Variants in ZNF365 observed in about 807,000 individuals in gnomAD.
ZNF365 encodes protein ZNF365.
Under a neutral mutation model 35.0 loss-of-function variants are expected in ZNF365, and 22 were observed. The ratio of observed to expected loss-of-function variants is 0.63; its 90% confidence interval spans 0.45 to 0.90. ZNF365 has a LOEUF of 0.90. Among genes scored for constraint, ZNF365 ranks in the 40% least tolerant of loss-of-function variants. The probability of loss-of-function intolerance (pLI) is 0.00; values close to 1 mark genes in which losing one functional copy is unlikely to be tolerated. For missense variants in ZNF365, 448 were observed against 500.3 expected (o/e 0.90, Z 1.00); for synonymous variants, 188 against 196.2 (o/e 0.96, Z 0.35).
In ZNF365 at chr10:62,397,275, T is replaced by A. The variant is rs1224823263; in HGVS notation, c.925-1465T>A. Among the ~76,000 whole-genome samples, 15 of 914 alleles carry A rather than the reference T, an allele frequency of 0.016. No homozygotes were observed. In the Admixed American group the frequency reaches 0.25, roughly 15 times the overall value. 0.6% of individuals were successfully genotyped at this position (914 alleles called of 152,430 possible). On this transcript the variant is annotated intron_variant, in intron 3 of 4. Transcript: ENST00000395254. ...TGTCTCCTCATGACCTGAGCCTCCTTTTTTTTTTTTAAGGAACTTCCTTTG... is the reference window on the plus strand; with the variant it reads ...TGTCTCCTCATGACCTGAGCCTCCTATTTTTTTTTTAAGGAACTTCCTTTG...
intron 2 of ZNF365, among the ~76,000 whole-genome samples, chr10:62,385,283 A>G (rs1839507760): frequency 6.6e-6 from 1 of 152,202 alleles, no homozygotes; most frequent in African/African-American, 2.4e-5. Context: ...AGGGCACAAG[A>G]TAATTGGTTG....
intron 3 of ZNF365, among the ~76,000 whole-genome samples, chr10:62,407,763 T>C (rs527814473): frequency 6.6e-6 from 1 of 152,356 alleles, no homozygotes; most frequent in East Asian, 1.9e-4. Context: ...CCTGCATCTA[T>C]GGTAAGATAG....
intron 3 of ZNF365, among the ~76,000 whole-genome samples, chr10:62,393,645 C>T (rs1293431272): frequency 6.6e-6 from 1 of 152,192 alleles, no homozygotes; most frequent in African/African-American, 2.4e-5. Context: ...CAAAAATGTA[C>T]ACATCCATAT....
chr10:62,438,933 T>C (rs1840450693), intron 3 of ZNF365, among the ~76,000 whole-genome samples: 1 of 152,190 alleles, frequency 6.6e-6, no homozygotes, highest in South Asian at 2.1e-4. Context: ...CCTCACTAAC[T>C]TGCAAGCATT....
At chr10:62,418,435 A>T (rs1190866742) in intron 3 of ZNF365, among the ~76,000 whole-genome samples, 1 of 151,976 alleles carries the variant, frequency 6.6e-6, no homozygotes, top group Non-Finnish European at 1.5e-5. Flanking sequence ...GGTGCCACAT[A>T]ATCTATCTTT....
At chr10:62,427,806 G>T (rs1410726784) in intron 3 of ZNF365, among the ~76,000 whole-genome samples, 1 of 152,144 alleles carries the variant, frequency 6.6e-6, no homozygotes, top group African/African-American at 2.4e-5. Context: ...GCTAGAAGGC[G>T]ACTCCTGCAC....
chr10:62,378,768 G>A (rs185076084), intron 2 of ZNF365, among the ~76,000 whole-genome samples: 2 of 152,076 alleles, frequency 1.3e-5, no homozygotes, highest in African/African-American at 2.4e-5. Flanking sequence ...CCAATTGCAC[G>A]CTGAATTGTT....
At chr10:62,379,201 T>A (rs1839389418) in intron 2 of ZNF365, among the ~76,000 whole-genome samples, 1 of 152,044 alleles carries the variant, frequency 6.6e-6, no homozygotes. Context: ...TTTTTGTATT[T>A]TTAGTAGAGA....
At chr10:62,390,039 C>T (rs1464604178) in intron 3 of ZNF365, among the ~76,000 whole-genome samples, 2 of 152,122 alleles carry the variant, frequency 1.3e-5, no homozygotes, top group East Asian at 3.9e-4. Context: ...CTGCCGTCTT[C>T]TTTCATCCTG....
chr10:62,426,601 C>T (rs537430281), intron 3 of ZNF365, among the ~76,000 whole-genome samples: 1 of 152,210 alleles, frequency 6.6e-6, no homozygotes, highest in African/African-American at 2.4e-5. Flanking sequence ...ACACCAGGTT[C>T]TGGTCAAGAG....
rs1239835894 is a variant in ZNF365 at position 62,388,788 on chromosome 10, G to A, written c.924+212G>A. 7.9e-5 allele frequency among the ~76,000 whole-genome samples: 12 copies of A among 152,110 alleles called. No homozygotes were observed. The South Asian group carries it at 1.2e-3, about 16-fold the overall frequency. On this transcript the variant is annotated intron_variant, in intron 3 of 4. Transcript: ENST00000395254. ...AATGCTGCATGTGCCGTTTTCAGTC[G>A]CTCTTCACCCTCCCACTCCACATCA...
intron 3 of ZNF365, among the ~76,000 whole-genome samples, chr10:62,422,528 A>AGACC (rs1421495497): frequency 6.6e-6 from 1 of 152,204 alleles, no homozygotes; most frequent in Non-Finnish European, 1.5e-5. Flanking sequence ...ATGACCAAGC[A>AGACC]GACCCAATGA....
chr10:62,383,414 A>C (rs1028679487), intron 2 of ZNF365, among the ~76,000 whole-genome samples: 1 of 152,230 alleles, frequency 6.6e-6, no homozygotes. Context: ...AGGTTAGAGG[A>C]ATAGTTAATT....
intron 2 of ZNF365, among the ~76,000 whole-genome samples, chr10:62,377,865 G>A (rs975014501): frequency 2.0e-5 from 3 of 152,182 alleles, no homozygotes; most frequent in African/African-American, 7.2e-5. Flanking sequence ...AATAATTTGA[G>A]TTCTATTATA....
Position 62,399,688 on chromosome 10 carries a change from A to G in ZNF365, c.1123A>G (p.Arg375Gly). ...EQAESSRDLC[R>G]PPKKGELLGF... ...GGCTGAGTCCTCAAGAGACCTCTGC[A>G]GACCTCCAAAGAAAGGGGAGCTCCT... Residue 375 changes from arginine to glycine, a missense_variant, in exon 5 of 5, where the codon AGA (arginine) becomes GGA (glycine). By Grantham distance (125) the Arg-to-Gly change is moderately radical. Transcript: ENST00000395254. 2 of 1,614,198 alleles carry G rather than the reference A, an allele frequency of 1.2e-6. No individual in the cohort carries two copies. Among genetic ancestry groups the G allele is most frequent in the Non-Finnish European group, 8.5e-7 (1 of 1,180,048 alleles).
chr10:62,469,726 C>T (rs1841002460), intron 4 of ZNF365, among the ~76,000 whole-genome samples: 1 of 152,006 alleles, frequency 6.6e-6, no homozygotes, highest in Admixed American at 6.6e-5. Context: ...GTGCCAGGAA[C>T]TAGGCTAAGC....
chr10:62,423,093 A>C (rs1489320140), intron 3 of ZNF365, among the ~76,000 whole-genome samples: 1 of 151,892 alleles, frequency 6.6e-6, no homozygotes, highest in Non-Finnish European at 1.5e-5. Flanking sequence ...ACTAACTTAT[A>C]TAATAGATAC....
At chr10:62,463,521 C>A (rs16917268) in intron 4 of ZNF365, among the ~76,000 whole-genome samples, 4,051 of 152,278 alleles carry the variant, frequency 0.027, 123 homozygotes, top group East Asian at 0.19. Context: ...ATATGTGCGG[C>A]TTTGGTACAT....
intron 3 of ZNF365, among the ~76,000 whole-genome samples, chr10:62,411,972 GA>G (rs1236875079): frequency 1.3e-5 from 2 of 151,872 alleles, no homozygotes; most frequent in African/African-American, 4.8e-5. Context: ...AAAACTAGCA[GA>G]AGACAAGAAA....
Sources: gnomAD v4.1 joint callset for allele counts (sites outside exome capture counted in the v4.1 genomes callset) on GRCh38, gnomAD v4.1.1 for gene constraint, MANE v1.5 for transcripts, NCBI Gene and HGNC (gene_info 2026-07-23, HGNC 2026-07-21) for gene names.